Variants in ATXN7L1 observed in about 807,000 individuals in gnomAD.
The protein encoded by ATXN7L1 is ataxin 7 like 1, also known as ataxin-7-like protein 1.
Under a neutral mutation model 70.8 loss-of-function variants are expected in ATXN7L1, and 15 were observed. The observed-to-expected ratio is 0.21, with a 90% CI of 0.14 to 0.33. The LOEUF (loss-of-function observed/expected upper bound fraction) is 0.33, where lower values mean the gene tolerates loss of function less well. ATXN7L1 is among the 10% of genes least tolerant of loss of function. The pLI is 1.00. For synonymous variants in ATXN7L1, 440 were observed against 445.1 expected (o/e 0.99, Z 0.14); for missense variants, 975 against 1,097.1 (o/e 0.89, Z 1.57).
At chr7:105,657,857 A>G (rs1800929253) in intron 4 of ATXN7L1, among the ~76,000 whole-genome samples, 1 of 152,066 alleles carries the variant, frequency 6.6e-6, no homozygotes, top group Admixed American at 6.6e-5. Flanking sequence ...AAGTCTGTTT[A>G]GAACAACTTG....
chr7:105,778,549 A>C (rs1803103030), intron 3 of ATXN7L1, among the ~76,000 whole-genome samples: 1 of 151,374 alleles, frequency 6.6e-6, no homozygotes, highest in African/African-American at 2.4e-5. Context: ...AGACTAAATA[A>C]TCCTAAAGTT....
intron 3 of ATXN7L1, among the ~76,000 whole-genome samples, chr7:105,712,167 C>T (rs1794004901): frequency 6.6e-6 from 1 of 152,224 alleles, no homozygotes; most frequent in Non-Finnish European, 1.5e-5. Context: ...GCACAGTGTC[C>T]CAAGGCTGCA....
chr7:105,684,990 A>T (rs1364165232), intron 3 of ATXN7L1, among the ~76,000 whole-genome samples: 1 of 151,904 alleles, frequency 6.6e-6, no homozygotes, highest in Non-Finnish European at 1.5e-5. Context: ...TTCTTTAAGC[A>T]GGGTATTACA....
rs1799578287 is a variant in ATXN7L1 at position 105,649,733 on chromosome 7, C to CAGAAATT, written c.579-6619_579-6613dup. On this transcript the variant is annotated intron_variant, in intron 4 of 11. Coordinates refer to ENST00000419735, the MANE Select transcript of ATXN7L1 (RefSeq NM_020725.2). ...ATGGTTCTGAATGTCTCTAGGTCTG[C>CAGAAATT]AGAAATTATTGCCAGCCCTTCTTCA... 2.0e-5 allele frequency among the ~76,000 whole-genome samples: 3 copies of CAGAAATT among 152,358 alleles called. No homozygotes were observed. In the South Asian group the frequency reaches 6.2e-4, roughly 32 times the overall value.
intron 4 of ATXN7L1, among the ~76,000 whole-genome samples, chr7:105,659,641 G>T (rs1485921655): frequency 6.6e-6 from 1 of 152,126 alleles, no homozygotes; most frequent in Non-Finnish European, 1.5e-5. Flanking sequence ...GAATGCTGTG[G>T]AGACACCGGG....
intron 10 of ATXN7L1, 77 bp downstream of exon 10, chr7:105,613,785 G>C: frequency 6.5e-7 from 1 of 1,548,102 alleles, no homozygotes; most frequent in Non-Finnish European, 8.7e-7. Flanking sequence ...TGTCGGAGCC[G>C]CCCGGCTAAG....
At chr7:105,806,372 C>T (rs761679003) in intron 2 of ATXN7L1, among the ~76,000 whole-genome samples, 1 of 152,084 alleles carries the variant, frequency 6.6e-6, no homozygotes, top group Non-Finnish European at 1.5e-5. Flanking sequence ...ATGCGGGCAC[C>T]CTGATCGTGG....
intron 2 of ATXN7L1, among the ~76,000 whole-genome samples, chr7:105,804,247 A>T (rs752818444): frequency 6.6e-6 from 1 of 152,218 alleles, no homozygotes; most frequent in Non-Finnish European, 1.5e-5. Flanking sequence ...CCAGGAAAGC[A>T]AACCCTAAAC....
At chr7:105,631,885 T>C (rs987154545) in intron 7 of ATXN7L1, among the ~76,000 whole-genome samples, 33 of 152,242 alleles carry the variant, frequency 2.2e-4, no homozygotes, top group African/African-American at 7.5e-4. Flanking sequence ...GGCACAGGGC[T>C]GGACACAGTG....
rs867294056 is a variant in ATXN7L1, at chr7:105,772,112, C to T, written c.355+16492G>A. ...TTTTTGAGACAGAGTCTCGCTCTGT[C>T]GCCCAGGCTGAAGTGCAGTGGCACG... On this transcript the variant is annotated intron_variant, in intron 3 of 11. Coordinates refer to ENST00000419735, the MANE Select transcript of ATXN7L1 (RefSeq NM_020725.2). Among the ~76,000 whole-genome samples the T allele has an allele frequency of 1.3e-4, 15 of 118,560 alleles. No homozygotes were observed. The East Asian group carries it at 2.0e-3, about 16-fold the overall frequency. The allele number at this position is 118,560 out of a possible 152,430, so 77.8% of individuals were successfully genotyped here.
chr7:105,738,473 T>C (rs905459146), intron 3 of ATXN7L1, among the ~76,000 whole-genome samples: 4 of 152,224 alleles, frequency 2.6e-5, no homozygotes, highest in Non-Finnish European at 4.4e-5. Context: ...CACATATACT[T>C]ACCAGCAATA....
At chr7:105,762,365 C>A (rs1179676382) in intron 3 of ATXN7L1, among the ~76,000 whole-genome samples, 3 of 152,182 alleles carry the variant, frequency 2.0e-5, no homozygotes, top group Non-Finnish European at 4.4e-5. Context: ...GCTCTTTCTC[C>A]AGCACAGCCT....
At chr7:105,745,315 G>A (rs1322334097) in intron 3 of ATXN7L1, among the ~76,000 whole-genome samples, 3 of 151,932 alleles carry the variant, frequency 2.0e-5, no homozygotes, top group South Asian at 2.1e-4. Context: ...GCAACTTTTC[G>A]GTAAGTTTGA....
At chr7:105,875,752 G>T in intron 2 of ATXN7L1, 60 bp downstream of exon 2, 1 of 1,510,440 alleles carries the variant, frequency 6.6e-7, no homozygotes. Context: ...CATTATATTC[G>T]AAATCCTGTG....
chr7:105,719,946 G>A (rs908624778), intron 3 of ATXN7L1, among the ~76,000 whole-genome samples: 45 of 152,174 alleles, frequency 3.0e-4, no homozygotes, highest in African/African-American at 7.2e-4. Context: ...CTCTTCAGCC[G>A]TGACCCCACT....
At position 105,624,129 on chromosome 7, in the gene ATXN7L1, G is replaced by A. The variant is rs942858531; in HGVS notation, c.1341C>T (p.Asp447=). ...SSDEGEMDGA[D]ESEKLDCQFS... is the part of the protein sequence containing the mutation. Reference sequence around the variant, plus strand: ...ACTGACAGTCTAGCTTCTCGGATTCGTCGGCTCCGTCCATCTCCCCTTCAT... The same window carrying A: ...ACTGACAGTCTAGCTTCTCGGATTCATCGGCTCCGTCCATCTCCCCTTCAT... The change falls in exon 8 of 12, where the codon GAC becomes GAT. Residue 447 remains aspartate (D), a synonymous_variant. Transcript: ENST00000419735. 13 of 1,524,462 alleles carry A rather than the reference G, an allele frequency of 8.5e-6. No individual in the cohort carries two copies. The highest frequency in any genetic ancestry group is 2.8e-5 in the African/African-American group (2 of 71,930). 94.4% of individuals were successfully genotyped at this position (1,524,462 alleles called of 1,614,324 possible).
At chr7:105,814,641 C>T (rs151242661) in intron 2 of ATXN7L1, among the ~76,000 whole-genome samples, 14 of 152,048 alleles carry the variant, frequency 9.2e-5, no homozygotes, top group African/African-American at 3.4e-4. Flanking sequence ...TTGTTGACTC[C>T]AATGCTTAGA....
intron 3 of ATXN7L1, among the ~76,000 whole-genome samples, chr7:105,688,548 T>TAA (rs541097240): frequency 1.3e-4 from 19 of 143,456 alleles, no homozygotes; most frequent in Non-Finnish European, 1.7e-4. Context: ...CTGTGTCAAT[T>TAA]AAAAAAAAAA....
intron 2 of ATXN7L1, among the ~76,000 whole-genome samples, chr7:105,822,831 T>C (rs1483386842): frequency 6.6e-6 from 1 of 152,208 alleles, no homozygotes; most frequent in East Asian, 1.9e-4. Context: ...GATGATCTAT[T>C]AGGATGGGGA....
Sources: allele counts gnomAD v4.1 joint callset (sites outside exome capture counted in the v4.1 genomes callset), GRCh38; gene constraint gnomAD v4.1.1; transcripts MANE v1.5; gene names NCBI Gene and HGNC (gene_info 2026-07-23, HGNC 2026-07-21).